ATP2B2: variants seen among roughly 807,000 people sequenced by gnomAD.
ATP2B2 encodes plasma membrane calcium-transporting ATPase 2.
In ATP2B2, 15 loss-of-function variants were observed where a neutral mutation model predicts 120.0. That is an observed-to-expected ratio of 0.12 (90% CI 0.08 to 0.19). The LOEUF (loss-of-function observed/expected upper bound fraction) is 0.19, where lower values mean the gene tolerates loss of function less well. Ranked by LOEUF, ATP2B2 falls within the 10% of genes least tolerant of loss-of-function variation. The pLI, the probability that ATP2B2 is intolerant of heterozygous loss-of-function variation, is 1.00. For missense variants in ATP2B2, 1,045 were observed against 1,719.8 expected, an observed-to-expected ratio of 0.61 and a Z score of 6.94; for synonymous variants, 694 against 700.3, an observed-to-expected ratio of 0.99 and a Z score of 0.14.
In ATP2B2 at chr3:10,328,820, C is replaced by A; in HGVS notation, c.3726G>T (p.Ser1242=). 1 of 1,607,156 alleles carries A rather than the reference C, an allele frequency of 6.2e-7. No individual in the cohort carries two copies. Among genetic ancestry groups the A allele is most frequent in the Non-Finnish European group, 8.5e-7 (1 of 1,174,636 alleles). Residue 1242 remains serine (S), a synonymous_variant, in exon 23 of 23, where the codon TCG becomes TCT. Coordinates refer to ENST00000360273, the MANE Select transcript of ATP2B2 (RefSeq NM_001001331.4). ...CAGGCGAGAGGGTCCTCAGCTAAAG[C>A]GACGTCTCCAGGCTGTGGATGGGGC... is the stretch of plus-strand genomic sequence containing the variant. ...PGSPIHSLET[S]L
At chr3:10,605,670 A>G (rs2069044189) in intron 2 of ATP2B2, among the ~76,000 whole-genome samples, 1 of 147,230 alleles carries the variant, frequency 6.8e-6, no homozygotes, top group Non-Finnish European at 1.5e-5. Flanking sequence ...TTTTTTTGAG[A>G]CAGAGTCTCA....
chr3:10,378,037 G>A (rs552664522), intron 10 of ATP2B2, among the ~76,000 whole-genome samples: 20 of 152,362 alleles, frequency 1.3e-4, no homozygotes, highest in African/African-American at 3.8e-4. Flanking sequence ...CCTTGGATTT[G>A]CTCGAGCTTC....
At chr3:10,361,072 G>A (rs1394532834) in intron 12 of ATP2B2, among the ~76,000 whole-genome samples, 1 of 152,188 alleles carries the variant, frequency 6.6e-6, no homozygotes, top group Non-Finnish European at 1.5e-5. Flanking sequence ...ATCCAAGCAA[G>A]CTGCTGTACG....
At chr3:10,566,283 A>T (rs997249203) in intron 2 of ATP2B2, 2 of 152,268 alleles carry the variant, frequency 1.3e-5, no homozygotes, top group African/African-American at 2.4e-5. Context: ...GCTCATATGC[A>T]AGGTCCTAGC....
chr3:10,527,984 G>C (rs995280997), intron 3 of ATP2B2, among the ~76,000 whole-genome samples: 1 of 152,172 alleles, frequency 6.6e-6, no homozygotes, highest in African/African-American at 2.4e-5. Flanking sequence ...AGGGGAGCAG[G>C]GCTGGCCACT....
chr3:10,430,270 C>T (rs1042085798), intron 2 of ATP2B2, among the ~76,000 whole-genome samples: 1 of 152,136 alleles, frequency 6.6e-6, no homozygotes, highest in African/African-American at 2.4e-5. Flanking sequence ...ACTCATAAGG[C>T]GATAGCTGCC....
chr3:10,393,796 GTCTCTGACCTGGCAGCAGA>G (rs1559277443), intron 5 of ATP2B2, among the ~76,000 whole-genome samples: 4 of 152,212 alleles, frequency 2.6e-5, no homozygotes, highest in Non-Finnish European at 5.9e-5. Context: ...ATGTTCCTTG[GTCTCTGACCTGGCAGCAGA>G]GAGTGGCCAG....
chr3:10,670,945 G>C (rs1402440912), intron 1 of ATP2B2, among the ~76,000 whole-genome samples: 1 of 152,244 alleles, frequency 6.6e-6, no homozygotes, highest in Admixed American at 6.5e-5. Flanking sequence ...ATCCAAAGGA[G>C]AGCTGGCTTT....
At chr3:10,484,497 C>T (rs1366851780) in intron 1 of ATP2B2, among the ~76,000 whole-genome samples, 3 of 152,128 alleles carry the variant, frequency 2.0e-5, no homozygotes, top group East Asian at 3.9e-4. Flanking sequence ...GCATTTTGAG[C>T]TCTCCATGAC....
chr3:10,430,589 A>C (rs1376839998), intron 2 of ATP2B2, among the ~76,000 whole-genome samples: 5 of 151,934 alleles, frequency 3.3e-5, no homozygotes, highest in African/African-American at 1.2e-4. Context: ...GCAGCAATTC[A>C]CTCACTTCTT....
chr3:10,415,114 G>C (rs2062736820), intron 2 of ATP2B2, among the ~76,000 whole-genome samples: 1 of 152,218 alleles, frequency 6.6e-6, no homozygotes. Context: ...TGGATGGCCT[G>C]CGTTCAAATC....
intron 1 of ATP2B2, among the ~76,000 whole-genome samples, chr3:10,629,364 A>G (rs549872236): frequency 1.3e-5 from 2 of 148,974 alleles, no homozygotes; most frequent in Non-Finnish European, 1.5e-5. Flanking sequence ...TTATCTGGGT[A>G]CATACATTAT....
chr3:10,681,421 C>T (rs2071381166), intron 1 of ATP2B2, among the ~76,000 whole-genome samples: 1 of 152,180 alleles, frequency 6.6e-6, no homozygotes, highest in Admixed American at 6.5e-5. Context: ...CCCCATTGAT[C>T]CTCACAAGCT....
At chr3:10,353,040 C>T (rs1026708086) in intron 14 of ATP2B2, among the ~76,000 whole-genome samples, 1 of 152,190 alleles carries the variant, frequency 6.6e-6, no homozygotes, top group Non-Finnish European at 1.5e-5. Flanking sequence ...ACAGGGTGCT[C>T]CCTCCCTCTA....
chr3:10,431,106 T>C (rs1005130663), intron 2 of ATP2B2, among the ~76,000 whole-genome samples: 1 of 152,136 alleles, frequency 6.6e-6, no homozygotes, highest in Non-Finnish European at 1.5e-5. Flanking sequence ...AGTTGCTTCT[T>C]ATGAATGAGC....
intron 2 of ATP2B2, among the ~76,000 whole-genome samples, chr3:10,614,907 A>T (rs2069342038): frequency 1.3e-5 from 2 of 152,230 alleles, no homozygotes; most frequent in African/African-American, 4.8e-5. Flanking sequence ...CTTTGCTATA[A>T]GAGAATAAGA....
intron 1 of ATP2B2, among the ~76,000 whole-genome samples, chr3:10,673,957 T>A (rs2125695053): frequency 6.6e-6 from 1 of 152,020 alleles, no homozygotes; most frequent in East Asian, 1.9e-4. Flanking sequence ...TTCCTGCTAT[T>A]TTCTCACACT....
intron 1 of ATP2B2, among the ~76,000 whole-genome samples, chr3:10,451,617 T>G (rs1228089584): frequency 1.3e-5 from 2 of 152,162 alleles, no homozygotes; most frequent in African/African-American, 4.8e-5. Context: ...GGAAGATTAT[T>G]TTTACACTGG....
At chr3:10,542,661 C>A (rs2125498038) in intron 2 of ATP2B2, among the ~76,000 whole-genome samples, 1 of 152,324 alleles carries the variant, frequency 6.6e-6, no homozygotes, top group East Asian at 1.9e-4. Flanking sequence ...GAGAAAGGTG[C>A]CACTTCCTCC....
Sources: gnomAD v4.1 joint callset for allele counts (sites outside exome capture counted in the v4.1 genomes callset) on GRCh38, gnomAD v4.1.1 for gene constraint, MANE v1.5 for transcripts, NCBI Gene and HGNC (gene_info 2026-07-23, HGNC 2026-07-21) for gene names.